EIF2B3: variants seen among roughly 807,000 people sequenced by gnomAD.
EIF2B3 encodes the protein translation initiation factor eIF2B subunit gamma.
Under a neutral mutation model 54.1 loss-of-function variants are expected in EIF2B3, and 20 were observed. The observed-to-expected ratio is 0.37, with a 90% CI of 0.26 to 0.54. The LOEUF (loss-of-function observed/expected upper bound fraction) is 0.54. Among genes scored for constraint, EIF2B3 ranks in the 20% least tolerant of loss-of-function variants. The probability of loss-of-function intolerance (pLI) is 0.86; values close to 1 mark genes in which losing one functional copy is unlikely to be tolerated. For missense variants in EIF2B3, 448 were observed against 547.8 expected (o/e 0.82, Z 1.82); for synonymous variants, 153 against 188.1 (o/e 0.81, Z 1.52).
chr1:44,879,516 G>A (rs1023307289), intron 8 of EIF2B3, among the ~76,000 whole-genome samples: 4 of 152,190 alleles, frequency 2.6e-5, no homozygotes, highest in African/African-American at 7.2e-5. Flanking sequence ...AAGTACTGCA[G>A]ATATCCCCAT....
intron 10 of EIF2B3, among the ~76,000 whole-genome samples, chr1:44,873,434 C>T (rs979574713): frequency 2.0e-5 from 3 of 152,156 alleles, no homozygotes; most frequent in African/African-American, 7.2e-5. Flanking sequence ...ATTTAGCTCT[C>T]CTTTCTCCCT....
intron 10 of EIF2B3, among the ~76,000 whole-genome samples, chr1:44,861,248 G>A (rs1654602424): frequency 6.6e-6 from 1 of 152,130 alleles, no homozygotes; most frequent in Admixed American, 6.5e-5. Flanking sequence ...GCTTTTTGGG[G>A]GAAATTCCTC....
chr1:44,946,093 C>T (rs919543477), intron 3 of EIF2B3, among the ~76,000 whole-genome samples: 14 of 152,138 alleles, frequency 9.2e-5, no homozygotes, highest in Admixed American at 2.0e-4. Context: ...TCTCTCTTTG[C>T]GTTTTGATGA....
intron 4 of EIF2B3, among the ~76,000 whole-genome samples, chr1:44,929,856 T>C (rs1161991658): frequency 6.6e-6 from 1 of 152,214 alleles, no homozygotes; most frequent in Non-Finnish European, 1.5e-5. Flanking sequence ...TTGTATTGCT[T>C]CTTTGCAGCT....
chr1:44,850,701 C>T lies in EIF2B3; in HGVS notation c.*250G>A, dbSNP rs1654243357. Reference sequence around the variant, plus strand: ...TGCCCCACCGATACATCTTGGCACACAAGAGTTAGGCCACTGTATCTGTCC... The same window carrying T: ...TGCCCCACCGATACATCTTGGCACATAAGAGTTAGGCCACTGTATCTGTCC... On this transcript the variant is annotated 3_prime_UTR_variant, in exon 12 of 12. Transcript: ENST00000360403. 1.8e-6 allele frequency: 1 copy of T among 554,830 alleles called. No homozygotes were observed. Among genetic ancestry groups the T allele is most frequent in the Non-Finnish European group, 3.2e-6 (1 of 311,162 alleles). 34.4% of individuals were successfully genotyped at this position (554,830 alleles called of 1,614,324 possible).
Position 44,922,404 on chromosome 1 carries a change from T to G in EIF2B3, c.566+4224A>C, listed in dbSNP as rs145159499. Among the ~76,000 whole-genome samples, 740 of 150,894 alleles carry G rather than the reference T, an allele frequency of 4.9e-3. 4 individuals are homozygous for G. Among genetic ancestry groups the G allele is most frequent in the Non-Finnish European group, 7.5e-3 (508 of 67,680 alleles). On this transcript the variant is annotated intron_variant, in intron 5 of 11. Coordinates refer to ENST00000360403, the MANE Select transcript of EIF2B3 (RefSeq NM_020365.5). Reference sequence around the variant, plus strand: ...GAGTTCAAGACCAGCCTGGGCAACATGGTGAAACCCCATCTCCACTAAAAA... The same window carrying G: ...GAGTTCAAGACCAGCCTGGGCAACAGGGTGAAACCCCATCTCCACTAAAAA...
chr1:44,953,609 A>G lies in EIF2B3; in HGVS notation c.295-11944T>C, dbSNP rs140342384. ...CTGGGCAACATGGCGAAAAAAACACAAAGACTTAGCCATCTCTACAAAAAA... is the reference window on the plus strand; with the variant it reads ...CTGGGCAACATGGCGAAAAAAACACGAAGACTTAGCCATCTCTACAAAAAA... On this transcript the variant is annotated intron_variant, in intron 3 of 11. Coordinates refer to ENST00000360403, the MANE Select transcript of EIF2B3 (RefSeq NM_020365.5). Among the ~76,000 whole-genome samples, 786 of 152,190 alleles carry G rather than the reference A, an allele frequency of 5.2e-3. 10 individuals carry two copies. Among genetic ancestry groups the G allele is most frequent in the African/African-American group, 0.018 (755 of 41,534 alleles).
chr1:44,923,746 T>C (rs1205289563), intron 5 of EIF2B3, among the ~76,000 whole-genome samples: 2 of 152,070 alleles, frequency 1.3e-5, no homozygotes, highest in African/African-American at 4.8e-5. Context: ...TTCTATGAGA[T>C]TCTAATTTCT....
chr1:44,979,324 C>A (rs264025), intron 2 of EIF2B3, among the ~76,000 whole-genome samples: 1 of 150,562 alleles, frequency 6.6e-6, no homozygotes, highest in Non-Finnish European at 1.5e-5. Context: ...TATGCCACTT[C>A]TCCTTGATAT....
At chr1:44,903,202 C>G (rs1271813363) in intron 5 of EIF2B3, among the ~76,000 whole-genome samples, 2 of 152,158 alleles carry the variant, frequency 1.3e-5, no homozygotes, top group African/African-American at 4.8e-5. Context: ...AAAAGCAGTT[C>G]TGAAAGGCAG....
chr1:44,953,534 T>A (rs1275157042), intron 3 of EIF2B3, among the ~76,000 whole-genome samples: 1 of 152,202 alleles, frequency 6.6e-6, no homozygotes, highest in Non-Finnish European at 1.5e-5. Context: ...CCCAGCACTT[T>A]GGGAAGCTAA....
intron 4 of EIF2B3, among the ~76,000 whole-genome samples, chr1:44,936,695 A>C (rs1180377224): frequency 6.6e-6 from 1 of 152,190 alleles, no homozygotes; most frequent in Non-Finnish European, 1.5e-5. Flanking sequence ...GCAAACAAAA[A>C]CACTCTGATA....
intron 3 of EIF2B3, among the ~76,000 whole-genome samples, chr1:44,950,695 A>T (rs1168379586): frequency 1.3e-5 from 2 of 152,050 alleles, no homozygotes; most frequent in East Asian, 3.9e-4. Context: ...TTATTTATTT[A>T]TTTATTTTTT....
chr1:44,870,167 G>A (rs555413691), intron 10 of EIF2B3, among the ~76,000 whole-genome samples: 3 of 126,328 alleles, frequency 2.4e-5, no homozygotes, highest in African/African-American at 3.4e-5. Context: ...GAGAGACCCC[G>A]TCTCAAAAAA....
rs1194645004 is a variant in EIF2B3 at position 44,919,883 on chromosome 1, C to CT, written c.566+6744dup. On this transcript the variant is annotated intron_variant, in intron 5 of 11. Coordinates refer to ENST00000360403, the MANE Select transcript of EIF2B3 (RefSeq NM_020365.5). ...ACGCATGCGACAACATGCCTGGCTACTTTTTTTTTTTTTTTTTTAGTAGAT... is the reference window on the plus strand; with the variant it reads ...ACGCATGCGACAACATGCCTGGCTACTTTTTTTTTTTTTTTTTTTAGTAGAT... 5.5e-3 allele frequency among the ~76,000 whole-genome samples: 650 copies of CT among 117,230 alleles called. 6 individuals carry two copies. Among genetic ancestry groups the CT allele is most frequent in the African/African-American group, 0.014 (471 of 33,022 alleles). 76.9% of individuals were successfully genotyped at this position (117,230 alleles called of 152,430 possible).
Position 44,926,696 on chromosome 1 carries a change from C to A in EIF2B3, c.498G>T (p.Arg166Ser). Residue 166 changes from arginine (R) to serine (S), a missense_variant, in exon 5 of 12, where the codon AGG becomes AGT. Arg to Ser is a moderately radical substitution (Grantham distance 110). Around this residue, in one of 3 missense-constraint regions of EIF2B3, gnomAD observed 350 missense variants for 414.2 expected, o/e 0.85. Coordinates refer to ENST00000360403, the MANE Select transcript of EIF2B3 (RefSeq NM_020365.5). ...CTGCTTCATTAGCCATGAAGAGCAG[C>A]CTCTTTCCTGTGCTGTCCACTCCAA... Reference protein sequence around the residue: ...DFIGVDSTGKRLLFMANEADL... With the variant: ...DFIGVDSTGKSLLFMANEADL... The A allele has an allele frequency of 6.2e-7, 1 of 1,613,940 alleles. No homozygotes were observed. Among genetic ancestry groups the A allele is most frequent in the Non-Finnish European group, 8.5e-7 (1 of 1,180,002 alleles).
chr1:44,926,318 TG>T (rs1217725658), intron 5 of EIF2B3, among the ~76,000 whole-genome samples: 2 of 152,132 alleles, frequency 1.3e-5, no homozygotes, highest in Non-Finnish European at 2.9e-5. Flanking sequence ...TTATGTCATG[TG>T]TTTTTTTTAC....
At chr1:44,866,738 AG>A (rs1654796425) in intron 10 of EIF2B3, among the ~76,000 whole-genome samples, 1 of 152,152 alleles carries the variant, frequency 6.6e-6, no homozygotes, top group Non-Finnish European at 1.5e-5. Context: ...TATTTTTAGT[AG>A]AGACGGGGTT....
At chr1:44,864,928 T>G (rs1654720523) in intron 10 of EIF2B3, among the ~76,000 whole-genome samples, 1 of 152,336 alleles carries the variant, frequency 6.6e-6, no homozygotes, top group African/African-American at 2.4e-5. Context: ...TAGAAAAGTC[T>G]GAAGCCAGGC....
Sources: allele counts gnomAD v4.1 joint callset (sites outside exome capture counted in the v4.1 genomes callset), GRCh38; gene constraint gnomAD v4.1.1; regional missense constraint gnomAD v4.1.1; transcripts MANE v1.5; gene names NCBI Gene and HGNC (gene_info 2026-07-23, HGNC 2026-07-21).